The following WDR59 variants were observed in gnomAD, a reference collection of about 807,000 sequenced individuals.
WDR59 encodes the protein WD repeat domain 59.
WDR59 carries 100 observed loss-of-function variants against 131.2 expected under a neutral mutation model. The ratio of observed to expected loss-of-function variants is 0.76; its 90% CI spans 0.65 to 0.90. The LOEUF (loss-of-function observed/expected upper bound fraction) is 0.90, where lower values mean the gene tolerates loss of function less well. WDR59 is among the 40% of genes least tolerant of loss of function. The pLI is 0.00. For synonymous variants in WDR59, 601 were observed against 466.2 expected (o/e 1.29, Z -3.72); for missense variants, 1,203 against 1,262.2 (o/e 0.95, Z 0.71).
chr16:74,919,212 T>C (rs542764216), intron 10 of WDR59, among the ~76,000 whole-genome samples: 26 of 152,300 alleles, frequency 1.7e-4, no homozygotes, highest in Middle Eastern at 6.8e-3. Context: ...AACTGGCTGA[T>C]TCTACGCCTT....
intron 2 of WDR59, among the ~76,000 whole-genome samples, chr16:74,962,306 T>C (rs1567435551): frequency 6.6e-6 from 1 of 152,154 alleles, no homozygotes. Flanking sequence ...TTCATAGTTT[T>C]TCTAATTCTG....
rs1366024428 is a variant in WDR59, at chr16:74,981,639, TATATATATATATATATATATA to T, written c.54+3304_54+3324del. 5.1e-3 allele frequency among the ~76,000 whole-genome samples: 208 copies of T among 40,722 alleles called. 8 individuals are homozygous for T. Among genetic ancestry groups the T allele is most frequent in the East Asian group, 8.2e-3 (18 of 2,182 alleles). 26.7% of individuals were successfully genotyped at this position (40,722 alleles called of 152,430 possible). ...ATATATATATATATATATATATATA[TATATATATATATATATATATA>T]TTTTTTTTTTTTTTAGATGGAGTCT... On this transcript the variant is annotated intron_variant, in intron 1 of 25. Coordinates refer to ENST00000262144, the MANE Select transcript of WDR59 (RefSeq NM_030581.4).
intron 2 of WDR59, among the ~76,000 whole-genome samples, chr16:74,958,829 G>A (rs1464937657): frequency 3.0e-5 from 4 of 133,414 alleles, no homozygotes; most frequent in East Asian, 4.2e-4. Flanking sequence ...GTGGGAGGCC[G>A]AGGCGGATGG....
rs555888772 is a variant in WDR59 at position 74,883,094 on chromosome 16, G to A, written c.2689+2559C>T. On this transcript the variant is annotated intron_variant, in intron 25 of 25. Transcript: ENST00000262144. ...GGCTGGAGTGCAGTGGCACAATCTC[G>A]GCTCACCGCAACCTCCGCCTCCCGA... is the stretch of plus-strand genomic sequence containing the variant. 1.3e-4 allele frequency among the ~76,000 whole-genome samples: 18 copies of A among 137,752 alleles called. No individual in the cohort carries two copies. The South Asian group carries it at 2.5e-3, about 19-fold the overall frequency. The allele number at this position is 137,752 out of a possible 152,430, so 90.4% of individuals were successfully genotyped here.
chr16:74,888,556 G>A (rs943962910), intron 21 of WDR59, among the ~76,000 whole-genome samples: 24 of 152,192 alleles, frequency 1.6e-4, no homozygotes, highest in Non-Finnish European at 2.2e-4. Flanking sequence ...TCTACAGAAC[G>A]CATCTCAAAG....
chr16:74,982,739 G>A (rs2034477829), intron 1 of WDR59, among the ~76,000 whole-genome samples: 1 of 152,192 alleles, frequency 6.6e-6, no homozygotes, highest in African/African-American at 2.4e-5. Context: ...ACTCTGTGCT[G>A]ACAGTACTTG....
chr16:74,893,052 CAAACA>C (rs1302642713), intron 19 of WDR59, among the ~76,000 whole-genome samples: 2 of 152,184 alleles, frequency 1.3e-5, no homozygotes, highest in Non-Finnish European at 2.9e-5. Flanking sequence ...CACTTCCATC[CAAACA>C]AAAGTAGCCC....
intron 13 of WDR59, among the ~76,000 whole-genome samples, chr16:74,912,669 G>T (rs992255470): frequency 6.6e-6 from 1 of 152,170 alleles, no homozygotes; most frequent in Admixed American, 6.5e-5. Flanking sequence ...GTGTGGAGTG[G>T]GAAATCAGGG....
At chr16:74,964,923 G>A (rs1210438960) in intron 2 of WDR59, among the ~76,000 whole-genome samples, 1 of 152,088 alleles carries the variant, frequency 6.6e-6, no homozygotes, top group South Asian at 2.1e-4. Flanking sequence ...AATGAGCTGG[G>A]CGTGGTGGCA....
rs553939919 is a variant in WDR59, at chr16:74,918,026, A to T, written c.887-18T>A. On this transcript the variant is annotated intron_variant, in intron 10 of 25. Coordinates refer to ENST00000262144, the MANE Select transcript of WDR59 (RefSeq NM_030581.4). ...CTTGGACCCTAGAAATCACCAAATA[A>T]GAATCCTGGAAATTCTTCTGGATTC... 6.2e-7 allele frequency: 1 copy of T among 1,611,508 alleles called. No individual in the cohort carries two copies. Among genetic ancestry groups the T allele is most frequent in the East Asian group, 2.2e-5 (1 of 44,836 alleles).
chr16:74,960,906 T>A (rs2033533213), intron 2 of WDR59, among the ~76,000 whole-genome samples: 1 of 152,114 alleles, frequency 6.6e-6, no homozygotes, highest in South Asian at 2.1e-4. Flanking sequence ...AATTTCTGTA[T>A]CTTAATCAGA....
intron 6 of WDR59, among the ~76,000 whole-genome samples, chr16:74,944,005 G>C (rs2032426931): frequency 1.3e-5 from 2 of 152,176 alleles, no homozygotes. Context: ...CGCACGGAAG[G>C]ATATCAGCTG....
intron 24 of WDR59, 79 bp downstream of exon 24, chr16:74,886,189 AAG>A: frequency 6.8e-7 from 1 of 1,465,634 alleles, no homozygotes; most frequent in South Asian, 1.3e-5. Context: ...AAAAAAAAAA[AAG>A]TAAGAGTTGT....
chr16:74,971,853 T>G (rs913248779), intron 1 of WDR59, among the ~76,000 whole-genome samples: 2 of 152,050 alleles, frequency 1.3e-5, no homozygotes, highest in Non-Finnish European at 2.9e-5. Flanking sequence ...GGACTACAGA[T>G]GCACACCACC....
In WDR59 at chr16:74,918,029, A is replaced by C. The variant is rs758063200; in HGVS notation, c.887-21T>G. 24 of 1,610,454 alleles carry C rather than the reference A, an allele frequency of 1.5e-5. No individual in the cohort carries two copies. The East Asian group carries it at 4.5e-4, about 30-fold the overall frequency. ...GGACCCTAGAAATCACCAAATAAGA[A>C]TCCTGGAAATTCTTCTGGATTCAAC... On this transcript the variant is annotated intron_variant, in intron 10 of 25. Coordinates refer to ENST00000262144, the MANE Select transcript of WDR59 (RefSeq NM_030581.4).
intron 2 of WDR59, chr16:74,962,992 A>C (rs1305399993): frequency 6.6e-6 from 1 of 152,190 alleles, no homozygotes. Context: ...ACGGTGGCTC[A>C]TGCCTGTAAT....
intron 18 of WDR59, among the ~76,000 whole-genome samples, chr16:74,895,033 C>T (rs547576854): frequency 6.6e-6 from 1 of 152,254 alleles, no homozygotes; most frequent in Admixed American, 6.5e-5. Flanking sequence ...AATCATTCTT[C>T]CATAAAGGGT....
At chr16:74,958,809 T>C (rs1234822099) in intron 2 of WDR59, among the ~76,000 whole-genome samples, 3 of 148,612 alleles carry the variant, frequency 2.0e-5, no homozygotes, top group Non-Finnish European at 4.5e-5. Context: ...ACGCCTATAA[T>C]CCCAGCACTG....
At chr16:74,893,657 A>G (rs1367153446) in intron 19 of WDR59, 22 bp downstream of exon 19, 2 of 1,611,850 alleles carry the variant, frequency 1.2e-6, no homozygotes, top group Non-Finnish European at 1.7e-6. Context: ...TGAGTGCAGC[A>G]GACTTGAAAT....
Sources: gnomAD v4.1 joint callset for allele counts (sites outside exome capture counted in the v4.1 genomes callset) on GRCh38, gnomAD v4.1.1 for gene constraint, MANE v1.5 for transcripts, NCBI Gene and HGNC (gene_info 2026-07-23, HGNC 2026-07-21) for gene names.